WDR33: variants seen among roughly 807,000 people sequenced by gnomAD.
WDR33 encodes pre-mRNA 3' end processing protein WDR33.
Under a neutral mutation model 164.9 loss-of-function variants are expected in WDR33, and 47 were observed. The ratio of observed to expected loss-of-function variants is 0.29; its 90% CI spans 0.23 to 0.36. The LOEUF is 0.36. WDR33 is among the 10% of genes least tolerant of loss of function. The pLI is 1.00. For synonymous variants in WDR33, 505 were observed against 589.0 expected (o/e 0.86, Z 2.06); for missense variants, 1,137 against 1,754.1 (o/e 0.65, Z 6.28).
intron 1 of WDR33, 105 bp from the exon 2 acceptor site, chr2:127,771,109 G>T: frequency 1.2e-6 from 1 of 869,072 alleles, no homozygotes; most frequent in Non-Finnish European, 1.7e-6. Context: ...CTTATCTAAC[G>T]TGCATCATTT....
chr2:127,719,557 C>T lies in WDR33; in HGVS notation c.2468G>A (p.Gly823Asp), dbSNP rs1268120844. The change falls in exon 16 of 22, where the codon GGC becomes GAC. Residue 823 changes from glycine to aspartate, a missense_variant. By Grantham distance (94) the Gly-to-Asp change is moderately conservative (BLOSUM62 -1). Transcript: ENST00000322313. The surrounding 1 kb of genome is among the most constrained non-coding windows in gnomAD (Gnocchi z 6.5). ...PHPPGGLLGHGPQEMRGPQEI... is the reference protein window; with the variant it reads ...PHPPGGLLGHDPQEMRGPQEI... ...CTGAGGACCTCTCATTTCCTGAGGG[C>T]CGTGTCCCAGTAGTCCACCTGGAGG... 1.9e-6 allele frequency: 3 copies of T among 1,613,904 alleles called. No homozygotes were observed. The highest frequency in any genetic ancestry group is 1.1e-5 in the South Asian group (1 of 91,056).
Position 127,763,280 on chromosome 2 carries a change from A to C in WDR33, c.627-121T>G. The C allele has an allele frequency of 6.6e-7, 1 of 1,516,728 alleles. No individual in the cohort carries two copies. The highest frequency in any genetic ancestry group is 1.3e-5 in the South Asian group (1 of 78,050). 94.0% of individuals were successfully genotyped at this position (1,516,728 alleles called of 1,614,324 possible). On this transcript the variant is annotated intron_variant, in intron 6 of 21. Transcript: ENST00000322313. The surrounding 1 kb of genome is among the most constrained non-coding windows in gnomAD (Gnocchi z 4.5). Reference sequence around the variant, plus strand: ...TTATAAACAGGAGAGGGAAGAATCCAGTGAAGAAGCCCTTAAAGTGAATGT... The same window carrying C: ...TTATAAACAGGAGAGGGAAGAATCCCGTGAAGAAGCCCTTAAAGTGAATGT...
At chr2:127,736,864 A>C (rs1230871485) in intron 7 of WDR33, 2 of 985,334 alleles carry the variant, frequency 2.0e-6, no homozygotes, top group Non-Finnish European at 2.4e-6. Flanking sequence ...GGAAGGGTAT[A>C]AACAGGAAAG....
At chr2:127,707,137 C>T (rs1686036761) in intron 21 of WDR33, among the ~76,000 whole-genome samples, 1 of 151,204 alleles carries the variant, frequency 6.6e-6, no homozygotes, top group Non-Finnish European at 1.5e-5. Context: ...GTTCTATCAC[C>T]GAGGCACAGC....
intron 1 of WDR33, among the ~76,000 whole-genome samples, chr2:127,796,321 G>A (rs1277441700): frequency 6.6e-6 from 1 of 151,810 alleles, no homozygotes; most frequent in African/African-American, 2.4e-5. Flanking sequence ...GGATCTGCCC[G>A]ACTCAGCCTC....
At chr2:127,772,310 T>A (rs1017116266) in intron 1 of WDR33, among the ~76,000 whole-genome samples, 5 of 151,742 alleles carry the variant, frequency 3.3e-5, no homozygotes, top group Admixed American at 1.3e-4. Context: ...GTGGTGGCAG[T>A]CTCCTGTAAT....
chr2:127,753,405 TGAGAA>T, intron 7 of WDR33, among the ~76,000 whole-genome samples: 1 of 152,218 alleles, frequency 6.6e-6, no homozygotes, highest in East Asian at 1.9e-4. Context: ...AATATTCAAA[TGAGAA>T]AAGTTCTGAA....
chr2:127,765,167 T>C lies in WDR33; in HGVS notation c.474+7A>G. Reference sequence around the variant, plus strand: ...GGATGATGATACCATCTGGTGATTATCATTACCTGTAATATTGTTTCAAAA... The same window carrying C: ...GGATGATGATACCATCTGGTGATTACCATTACCTGTAATATTGTTTCAAAA... On this transcript the variant is annotated splice_region_variant and intron_variant, in intron 5 of 21. Transcript: ENST00000322313. 3 of 1,610,638 alleles carry C rather than the reference T, an allele frequency of 1.9e-6. No individual in the cohort carries two copies. Among genetic ancestry groups the C allele is most frequent in the Non-Finnish European group, 2.5e-6 (3 of 1,177,248 alleles).
chr2:127,731,294 CA>C (rs35161101), intron 7 of WDR33, among the ~76,000 whole-genome samples: 3,390 of 70,410 alleles, frequency 0.048, 50 homozygotes, highest in East Asian at 0.22. Flanking sequence ...GACCCTGCCT[CA>C]AAAAAAAAAA....
At chr2:127,730,628 GAACT>G (rs1421702844) in intron 7 of WDR33, among the ~76,000 whole-genome samples, 2 of 151,782 alleles carry the variant, frequency 1.3e-5, no homozygotes, top group East Asian at 1.9e-4. Flanking sequence ...GAAATAATGT[GAACT>G]AAAAAGCAAG....
intron 1 of WDR33, among the ~76,000 whole-genome samples, chr2:127,801,519 C>T (rs1480565610): frequency 2.1e-5 from 2 of 93,156 alleles, no homozygotes; most frequent in South Asian, 3.2e-4. Flanking sequence ...AAAAAACACA[C>T]AACAAAAAAA....
chr2:127,710,872 G>A lies in WDR33; in HGVS notation c.3309-1016C>T, dbSNP rs1286158567. On this transcript the variant is annotated intron_variant, in intron 18 of 21. Transcript: ENST00000322313. This position sits in a 1 kb window ranked among gnomAD's most constrained non-coding sequence, Gnocchi z 4.4. ...AGTAAAGCTGAAAGAACAGTACAATGAACATCCCAGATCCTCCACCCAGAT... is the reference window on the plus strand; with the variant it reads ...AGTAAAGCTGAAAGAACAGTACAATAAACATCCCAGATCCTCCACCCAGAT... Among the ~76,000 whole-genome samples, 1 of 152,038 alleles carries A rather than the reference G, an allele frequency of 6.6e-6. No individual in the cohort carries two copies. Among genetic ancestry groups the A allele is most frequent in the Non-Finnish European group, 1.5e-5 (1 of 68,002 alleles).
intron 1 of WDR33, among the ~76,000 whole-genome samples, chr2:127,777,740 A>G (rs1688231965): frequency 6.6e-6 from 1 of 151,116 alleles, no homozygotes; most frequent in Non-Finnish European, 1.5e-5. Flanking sequence ...CCTCCCAAGT[A>G]TGTGGGACTA....
chr2:127,755,186 T>A (rs1687484912), intron 7 of WDR33, among the ~76,000 whole-genome samples: 2 of 152,364 alleles, frequency 1.3e-5, no homozygotes, highest in South Asian at 4.1e-4. Flanking sequence ...AAGTTTCTGT[T>A]AAGTTTAACA....
At chr2:127,787,536 G>T (rs1173605547) in intron 1 of WDR33, among the ~76,000 whole-genome samples, 1 of 126,230 alleles carries the variant, frequency 7.9e-6, no homozygotes, top group East Asian at 2.4e-4. Context: ...CGGTCGGGGG[G>T]CTGACACCCC....
At chr2:127,730,729 C>T (rs941671596) in intron 7 of WDR33, among the ~76,000 whole-genome samples, 2 of 152,060 alleles carry the variant, frequency 1.3e-5, no homozygotes, top group Non-Finnish European at 1.5e-5. Context: ...TATACTTGTA[C>T]ATTTTGATAT....
Position 127,717,368 on chromosome 2 carries a change from A to G in WDR33, c.2761-105T>C, listed in dbSNP as rs929900453. 18 of 893,194 alleles carry G rather than the reference A, an allele frequency of 2.0e-5. No homozygotes were observed. The highest frequency in any genetic ancestry group is 2.7e-5 in the Non-Finnish European group (17 of 620,920). The allele number at this position is 893,194 out of a possible 1,614,324, so 55.3% of individuals were successfully genotyped here. Reference sequence around the variant, plus strand: ...AGATAAAAATACCCAGTAAATATTTACCTAGTAAGATTACAGTAACATTGT... The same window carrying G: ...AGATAAAAATACCCAGTAAATATTTGCCTAGTAAGATTACAGTAACATTGT... On this transcript the variant is annotated intron_variant, in intron 16 of 21. Coordinates refer to ENST00000322313, the MANE Select transcript of WDR33 (RefSeq NM_018383.5). This position sits in a 1 kb window ranked among gnomAD's most constrained non-coding sequence, Gnocchi z 5.6.
intron 4 of WDR33, 45 bp from the exon 5 acceptor site, chr2:127,765,314 A>C (rs745582252): frequency 7.1e-7 from 1 of 1,409,488 alleles, no homozygotes; most frequent in Non-Finnish European, 9.9e-7. Context: ...CAACTTCACT[A>C]ATTTTGAAAA....
rs1558917600 is a variant in WDR33, at chr2:127,708,588, C to T, written c.3781+89G>A. 8.5e-6 allele frequency: 12 copies of T among 1,406,252 alleles called. No individual in the cohort carries two copies. Among genetic ancestry groups the T allele is most frequent in the South Asian group, 1.4e-5 (1 of 71,296 alleles). The allele number at this position is 1,406,252 out of a possible 1,614,324, so 87.1% of individuals were successfully genotyped here. ...TAGGAGCATGTGCCTCTGCACAGCC[C>T]AGGCTGCAAGGGCATGTGCAGCAGA... On this transcript the variant is annotated intron_variant, in intron 21 of 21. Transcript: ENST00000322313. This position sits in a 1 kb window ranked among gnomAD's most constrained non-coding sequence, Gnocchi z 6.7.
Sources: allele counts gnomAD v4.1 joint callset (sites outside exome capture counted in the v4.1 genomes callset), GRCh38; gene constraint gnomAD v4.1.1; non-coding constraint Gnocchi (gnomAD v3.1); transcripts MANE v1.5; gene names NCBI Gene and HGNC (gene_info 2026-07-23, HGNC 2026-07-21).